The following NEDD4L variants were observed in gnomAD, a reference collection of about 807,000 sequenced individuals.
The protein encoded by NEDD4L is E3 ubiquitin-protein ligase NEDD4-like.
In NEDD4L, 54 loss-of-function variants were observed where a neutral mutation model predicts 148.9. That is an observed-to-expected ratio of 0.36 (90% CI 0.29 to 0.45). The LOEUF (loss-of-function observed/expected upper bound fraction) is 0.45. Among genes scored for constraint, NEDD4L ranks in the 20% least tolerant of loss-of-function variants. The pLI, the probability that NEDD4L is intolerant of heterozygous loss-of-function variation, is 1.00. For missense variants in NEDD4L, 856 were observed against 1,233.8 expected, an observed-to-expected ratio of 0.69 and a Z score of 4.59; for synonymous variants, 433 against 440.7, an observed-to-expected ratio of 0.98 and a Z score of 0.22.
chr18:58,047,280 C>T (rs1181231615), intron 1 of NEDD4L: 4 of 983,990 alleles, frequency 4.1e-6, no homozygotes, highest in South Asian at 9.4e-5. Context: ...AAAGTAGACA[C>T]ACATACCTAC....
intron 23 of NEDD4L, chr18:58,372,556 CCTTGGCCTCCCAA>C (rs1465995575): frequency 6.6e-6 from 1 of 152,272 alleles, no homozygotes; most frequent in Non-Finnish European, 1.5e-5. Context: ...GATCCTCCCA[CCTTGGCCTCCCAA>C]AGTGCTGGAA....
chr18:58,383,003 A>G (rs1264653334), intron 24 of NEDD4L, among the ~76,000 whole-genome samples: 2 of 152,214 alleles, frequency 1.3e-5, no homozygotes, highest in East Asian at 3.8e-4. Flanking sequence ...TTGCTAATAT[A>G]TGAAGAATAA....
At chr18:58,124,309 C>G (rs186538917) in intron 1 of NEDD4L, among the ~76,000 whole-genome samples, 1 of 152,358 alleles carries the variant, frequency 6.6e-6, no homozygotes, top group East Asian at 1.9e-4. Flanking sequence ...CCCTCATCTT[C>G]CTCCGCCTGC....
In NEDD4L at chr18:58,330,881, A is replaced by G; in HGVS notation, c.957A>G (p.Pro319=). 1 of 1,613,962 alleles carries G rather than the reference A, an allele frequency of 6.2e-7. No individual in the cohort carries two copies. Among genetic ancestry groups the G allele is most frequent in the Non-Finnish European group, 8.5e-7 (1 of 1,179,840 alleles). The change falls in exon 11 of 31, where the codon CCA becomes CCG. Residue 319 remains proline, a synonymous_variant. Transcript: ENST00000400345. ...TAAGCAGAAGGCTTCAGATCACTCCAGACTCCAATGGGGAACAGTTCAGCT... is the reference window on the plus strand; with the variant it reads ...TAAGCAGAAGGCTTCAGATCACTCCGGACTCCAATGGGGAACAGTTCAGCT... ...EELSRRLQIT[P]DSNGEQFSSL... is the part of the protein sequence containing the mutation.
At chr18:58,390,777 TG>T (rs768816704) in intron 29 of NEDD4L, 35 bp downstream of exon 29, 6 of 1,477,986 alleles carry the variant, frequency 4.1e-6, no homozygotes, top group Non-Finnish European at 3.7e-6. Context: ...GTTGTCCTCC[TG>T]GGAATTTCCA....
chr18:58,323,370 G>A, intron 8 of NEDD4L, 36 bp downstream of exon 8: 1 of 1,043,024 alleles, frequency 9.6e-7, no homozygotes, highest in Non-Finnish European at 1.5e-6. Context: ...TCCTTGCCTT[G>A]AGATCATATT....
intron 1 of NEDD4L, among the ~76,000 whole-genome samples, chr18:58,147,104 G>A (rs999389610): frequency 1.3e-5 from 2 of 152,158 alleles, no homozygotes; most frequent in Non-Finnish European, 2.9e-5. Flanking sequence ...TATGTAGCAG[G>A]GTGGTTCATA....
intron 6 of NEDD4L, among the ~76,000 whole-genome samples, chr18:58,322,205 C>G (rs2058850640): frequency 6.6e-6 from 1 of 152,118 alleles, no homozygotes; most frequent in Non-Finnish European, 1.5e-5. Flanking sequence ...TGTCATTTGT[C>G]TGTGGCTGGG....
chr18:58,358,509 A>G (rs1202894505), intron 19 of NEDD4L, among the ~76,000 whole-genome samples: 2 of 152,218 alleles, frequency 1.3e-5, no homozygotes, highest in Admixed American at 6.5e-5. Flanking sequence ...AGCCTTTTCA[A>G]AATATTTTTA....
intron 5 of NEDD4L, among the ~76,000 whole-genome samples, chr18:58,301,411 C>T: frequency 6.6e-6 from 1 of 152,128 alleles, no homozygotes; most frequent in Non-Finnish European, 1.5e-5. Context: ...CTATGTAGGC[C>T]AGCTCCTAAG....
intron 3 of NEDD4L, 92 bp downstream of exon 3, chr18:58,245,600 G>T: frequency 3.2e-6 from 2 of 617,624 alleles, no homozygotes; most frequent in South Asian, 2.4e-5. Flanking sequence ...TTTGGTCAAG[G>T]ATGGACTACT....
chr18:58,052,497 A>G (rs1355998780), intron 1 of NEDD4L, among the ~76,000 whole-genome samples: 1 of 152,132 alleles, frequency 6.6e-6, no homozygotes, highest in Non-Finnish European at 1.5e-5. Flanking sequence ...AAACGCACCA[A>G]GTTAAATGTC....
intron 5 of NEDD4L, among the ~76,000 whole-genome samples, chr18:58,286,767 T>A (rs964086833): frequency 6.6e-6 from 1 of 152,218 alleles, no homozygotes. Flanking sequence ...TAATTGAATA[T>A]TAAACACCAG....
intron 1 of NEDD4L, among the ~76,000 whole-genome samples, chr18:58,147,908 T>C (rs1410339898): frequency 2.0e-5 from 3 of 152,098 alleles, no homozygotes; most frequent in African/African-American, 7.2e-5. Context: ...CAGTGACTGC[T>C]CTGTCCACAG....
chr18:58,233,162 T>G (rs1215189340), intron 2 of NEDD4L, among the ~76,000 whole-genome samples: 1 of 152,256 alleles, frequency 6.6e-6, no homozygotes, highest in East Asian at 1.9e-4. Flanking sequence ...CATTCACTTA[T>G]GGGCCCTGCC....
intron 2 of NEDD4L, among the ~76,000 whole-genome samples, chr18:58,182,423 T>C: frequency 6.6e-6 from 1 of 152,120 alleles, no homozygotes. Flanking sequence ...AAGTTTATTT[T>C]CTTTGCAGTT....
chr18:58,127,040 C>T (rs2031242640), intron 1 of NEDD4L, among the ~76,000 whole-genome samples: 1 of 152,160 alleles, frequency 6.6e-6, no homozygotes, highest in Admixed American at 6.5e-5. Flanking sequence ...GACGGCTGCT[C>T]GCGGCTTGGT....
chr18:58,360,792 G>C (rs903789440), intron 19 of NEDD4L, among the ~76,000 whole-genome samples: 7 of 151,792 alleles, frequency 4.6e-5, no homozygotes, highest in African/African-American at 1.7e-4. Flanking sequence ...GCAAGAGGGA[G>C]AGAGAGAGCA....
rs953121026 is a variant in NEDD4L, at chr18:58,172,220, C to T, written c.122+6359C>T. Among the ~76,000 whole-genome samples the T allele has an allele frequency of 7.2e-4, 110 of 152,260 alleles. 1 individual carries two copies. Among genetic ancestry groups the T allele is most frequent in the Non-Finnish European group, 3.2e-4 (22 of 68,018 alleles). On this transcript the variant is annotated intron_variant, in intron 2 of 30. Transcript: ENST00000400345. ...GGCAAGGCAGGCACCAGGCAGCCGC[C>T]GACAGGGTCAGGAACCAAGGCAGGT...
Sources: gnomAD v4.1 joint callset for allele counts (sites outside exome capture counted in the v4.1 genomes callset) on GRCh38, gnomAD v4.1.1 for gene constraint, MANE v1.5 for transcripts, NCBI Gene and HGNC (gene_info 2026-07-23, HGNC 2026-07-21) for gene names.